Variants in A2ML1 observed in about 807,000 individuals in gnomAD.
A2ML1 encodes alpha-2-macroglobulin-like protein 1.
In A2ML1, 161 loss-of-function variants were observed where a neutral mutation model predicts 181.9. The ratio of observed to expected loss-of-function variants is 0.89; its 90% CI spans 0.78 to 1.01. The LOEUF (loss-of-function observed/expected upper bound fraction) is 1.01, where lower values mean the gene tolerates loss of function less well. Among genes scored for constraint, A2ML1 ranks in the 50% least tolerant of loss-of-function variants. The probability of loss-of-function intolerance (pLI) is 0.00; values close to 1 mark genes in which losing one functional copy is unlikely to be tolerated. For missense variants in A2ML1, 1,670 were observed against 1,768.1 expected, an observed-to-expected ratio of 0.94 and a Z score of 1.00; for synonymous variants, 663 against 666.8, an observed-to-expected ratio of 0.99 and a Z score of 0.09.
chr12:8,868,443 T>C, intron 31 of A2ML1, 86 bp downstream of exon 31: 1 of 1,551,804 alleles, frequency 6.4e-7, no homozygotes, highest in Non-Finnish European at 8.7e-7. Flanking sequence ...TGTGTCTGTG[T>C]ATGTGTGTGT....
At chr12:8,877,508 C>G (rs1350196127), downstream of A2ML1, among the ~76,000 whole-genome samples, 1 of 152,042 alleles carries the variant, frequency 6.6e-6, no homozygotes, top group Non-Finnish European at 1.5e-5. Context: ...CAAATAATCC[C>G]ATTAAAACGT....
chr12:8,881,493 T>C (rs971153406), downstream of A2ML1, among the ~76,000 whole-genome samples: 1 of 152,208 alleles, frequency 6.6e-6, no homozygotes, highest in Non-Finnish European at 1.5e-5. Context: ...GTTATTCTCC[T>C]TCTCCTGATA....
At position 8,856,367 on chromosome 12, in the gene A2ML1, AG is replaced by A. The variant is rs141144326; in HGVS notation, c.2848+778del. On this transcript the variant is annotated intron_variant, in intron 23 of 35. Transcript: ENST00000299698. ...CTGTGTTGGGGGCTCCTGAAGAGGA[AG>A]GGCCACATCTTTTTCTTTTGTGTTC... Among the ~76,000 whole-genome samples the A allele has an allele frequency of 5.3e-5, 8 of 152,318 alleles. No individual in the cohort carries two copies. The East Asian group carries it at 1.5e-3, about 29-fold the overall frequency.
intron 33 of A2ML1, among the ~76,000 whole-genome samples, chr12:8,870,502 C>T (rs751886795): frequency 2.6e-5 from 4 of 152,262 alleles, no homozygotes; most frequent in East Asian, 1.9e-4. Flanking sequence ...CTCCTGACCT[C>T]GTGATCCACC....
intron 30 of A2ML1, 52 bp downstream of exon 30, chr12:8,868,109 G>A (rs1168222857): frequency 6.2e-7 from 1 of 1,608,354 alleles, no homozygotes; most frequent in Admixed American, 1.7e-5. Flanking sequence ...GAGTCGGAGA[G>A]CATCTTCCCC....
chr12:8,873,776 C>CATA (rs1357310605), intron 33 of A2ML1, among the ~76,000 whole-genome samples: 1 of 152,032 alleles, frequency 6.6e-6, no homozygotes, highest in Non-Finnish European at 1.5e-5. Flanking sequence ...CAGTAAGGGG[C>CATA]ATAGAACTGT....
Position 8,876,742 on chromosome 12 carries a change from G to A in A2ML1, c.*686G>A, listed in dbSNP as rs1944810706. The A allele has an allele frequency of 6.6e-6, 1 of 151,998 alleles. No homozygotes were observed. The highest frequency in any genetic ancestry group is 1.5e-5 in the Non-Finnish European group (1 of 68,020). 9.4% of individuals were successfully genotyped at this position (151,998 alleles called of 1,614,324 possible). On this transcript the variant is annotated 3_prime_UTR_variant, in exon 36 of 36. Transcript: ENST00000299698. ...CAGTCTAAGGGAAAATGTGATTTAG[G>A]GCTTTGGAAATTGGCTAAAAAAATA...
intron 4 of A2ML1, among the ~76,000 whole-genome samples, chr12:8,834,281 T>C (rs1943204118): frequency 6.6e-6 from 1 of 152,216 alleles, no homozygotes; most frequent in South Asian, 2.1e-4. Flanking sequence ...CAGGAGATGG[T>C]TGGCTACCAA....
In A2ML1 at chr12:8,860,915, A is replaced by C. The variant is rs376498444; in HGVS notation, c.3299A>C (p.Tyr1100Ser). 3.7e-6 allele frequency: 6 copies of C among 1,613,900 alleles called. No individual in the cohort carries two copies. Among genetic ancestry groups the C allele is most frequent in the Non-Finnish European group, 4.2e-6 (5 of 1,180,020 alleles). Reference protein sequence around the residue: ...GVDDEVSLTAYVTAALLEMGK... With the variant: ...GVDDEVSLTASVTAALLEMGK... ...GATGATGAGGTCTCCTTGACTGCGT[A>C]TGTCACAGCTGCATTGCTGGAGATG... Residue 1100 changes from tyrosine (Y) to serine (S), a missense_variant, in exon 27 of 36, where the codon TAT (tyrosine) becomes TCT (serine). Tyr to Ser is a moderately radical substitution (Grantham distance 144). Transcript: ENST00000299698.
intron 33 of A2ML1, among the ~76,000 whole-genome samples, 157 bp from the exon 34 acceptor site, chr12:8,874,268 G>A (rs1030057667): frequency 6.6e-6 from 1 of 152,106 alleles, no homozygotes; most frequent in Non-Finnish European, 1.5e-5. Context: ...CACCCACTTC[G>A]GCCTCCCAAA....
At position 8,823,872 on chromosome 12, in the gene A2ML1, AG is replaced by A; in HGVS notation, c.402del (p.Gln135SerfsTer17). ...AGACTGACAAACCTCTCTACACCCC[AG>A]GGCAGCAAGGTAAGAGTCACATATT... ...VQTDKPLYTPGQQVYFRIVTM... is the reference protein window; with the variant it reads ...VQTDKPLYTPXQQVYFRIVTM... On this transcript the variant is annotated frameshift_variant, in exon 3 of 36. Transcript: ENST00000299698. LOFTEE classifies it high-confidence loss of function. 2 of 1,612,048 alleles carry A rather than the reference AG, an allele frequency of 1.2e-6. No individual in the cohort carries two copies. The highest frequency in any genetic ancestry group is 1.7e-6 in the Non-Finnish European group (2 of 1,178,868).
At chr12:8,835,332 C>T (rs1260258716) in intron 5 of A2ML1, among the ~76,000 whole-genome samples, 175 bp from the exon 6 acceptor site, 3 of 152,178 alleles carry the variant, frequency 2.0e-5, no homozygotes, top group Non-Finnish European at 2.9e-5. Context: ...TACCTCATTC[C>T]GCCATAAAGA....
intron 8 of A2ML1, among the ~76,000 whole-genome samples, 161 bp downstream of exon 8, chr12:8,837,727 A>G (rs188561962): frequency 6.6e-6 from 1 of 152,140 alleles, no homozygotes; most frequent in East Asian, 1.9e-4. Context: ...TAAAAATTCA[A>G]AAAATTGGCT....
In A2ML1 at chr12:8,858,292, A is replaced by G. The variant is rs141912625; in HGVS notation, c.3264+190A>G. ...GTTTTCATGTCTGTAGAATGAGAAT[A>G]CAGATGAAGCCTGGGTGCAGTGGCT... On this transcript the variant is annotated intron_variant, in intron 26 of 35. Coordinates refer to ENST00000299698, the MANE Select transcript of A2ML1 (RefSeq NM_144670.6). 7.1e-3 allele frequency: 4,542 copies of G among 638,354 alleles called. 29 individuals carry two copies. Among genetic ancestry groups the G allele is most frequent in the Middle Eastern group, 0.035 (76 of 2,184 alleles). 39.5% of individuals were successfully genotyped at this position (638,354 alleles called of 1,614,324 possible). A position where few individuals can be genotyped will look rare whatever the true frequency, so the allele number is the denominator to read the frequency against.
intron 4 of A2ML1, among the ~76,000 whole-genome samples, chr12:8,830,340 C>G (rs1943070779): frequency 6.6e-6 from 1 of 152,276 alleles, no homozygotes; most frequent in Non-Finnish European, 1.5e-5. Flanking sequence ...ACAAGAGCCA[C>G]CATGCTCAGC....
chr12:8,874,544 G>T lies in A2ML1; in HGVS notation c.4324+17G>T, dbSNP rs936389699. The T allele has an allele frequency of 6.3e-7, 1 of 1,583,018 alleles. No homozygotes were observed. The highest frequency in any genetic ancestry group is 1.3e-5 in the African/African-American group (1 of 74,196). On this transcript the variant is annotated intron_variant, in intron 34 of 35. Transcript: ENST00000299698. ...ACCTACCAGGTGAGAGGGCTGAGCT[G>T]AAATGAGATCTGAGATCTTACCTGC...
intron 21 of A2ML1, among the ~76,000 whole-genome samples, chr12:8,854,518 C>G (rs952485593): frequency 1.3e-5 from 2 of 152,180 alleles, no homozygotes; most frequent in African/African-American, 4.8e-5. Flanking sequence ...TTCGTCCCAT[C>G]ATGAAGCCCA....
chr12:8,848,974 A>C, intron 16 of A2ML1, 60 bp downstream of exon 16: 1 of 1,538,176 alleles, frequency 6.5e-7, no homozygotes, highest in Non-Finnish European at 8.8e-7. Context: ...TGGGCAAAGG[A>C]AAGTTCATAT....
chr12:8,860,061 G>A (rs1049123540), intron 26 of A2ML1, among the ~76,000 whole-genome samples: 2 of 151,958 alleles, frequency 1.3e-5, no homozygotes, highest in Non-Finnish European at 2.9e-5. Context: ...ATTTTTTTGA[G>A]ACAGGGTCTC....
Sources: gnomAD v4.1 joint callset for allele counts (sites outside exome capture counted in the v4.1 genomes callset) on GRCh38, gnomAD v4.1.1 for gene constraint, MANE v1.5 for transcripts, NCBI Gene and HGNC (gene_info 2026-07-23, HGNC 2026-07-21) for gene names.